The following SLC9A9 variants were observed in gnomAD, a reference collection of about 807,000 sequenced individuals.
SLC9A9 encodes solute carrier family 9 member A9.
In SLC9A9, 62 loss-of-function variants were observed where a neutral mutation model predicts 77.8. That is an observed-to-expected ratio of 0.80 (90% CI 0.65 to 0.98). The LOEUF (loss-of-function observed/expected upper bound fraction) is 0.98, where lower values mean the gene tolerates loss of function less well. Among genes scored for constraint, SLC9A9 ranks in the 50% least tolerant of loss-of-function variants. The pLI, the probability that SLC9A9 is intolerant of heterozygous loss-of-function variation, is 0.00. For synonymous variants in SLC9A9, 320 were observed against 283.5 expected (o/e 1.13, Z -1.29); for missense variants, 775 against 774.9 (o/e 1.00, Z 0.00).
intron 14 of SLC9A9, among the ~76,000 whole-genome samples, chr3:143,315,320 A>G (rs2031170438): frequency 6.6e-6 from 1 of 152,222 alleles, no homozygotes; most frequent in African/African-American, 2.4e-5. Context: ...ATCTTTGCAG[A>G]GATAGAGTTG....
At chr3:143,676,798 C>A (rs1932904362) in intron 5 of SLC9A9, among the ~76,000 whole-genome samples, 3 of 152,020 alleles carry the variant, frequency 2.0e-5, no homozygotes, top group Non-Finnish European at 4.4e-5. Context: ...TGTCTGAAAA[C>A]CAGTTACATG....
intron 5 of SLC9A9, among the ~76,000 whole-genome samples, chr3:143,675,710 C>A (rs114377867): frequency 0.01 from 1,542 of 152,272 alleles, 30 homozygotes; most frequent in African/African-American, 0.035. Flanking sequence ...TTACTAATAT[C>A]ATATAAAAAT....
At chr3:143,648,376 T>G (rs2038738392) in intron 6 of SLC9A9, among the ~76,000 whole-genome samples, 1 of 151,944 alleles carries the variant, frequency 6.6e-6, no homozygotes. Context: ...TCATAGGGAG[T>G]GCGCAACCTA....
intron 9 of SLC9A9, among the ~76,000 whole-genome samples, chr3:143,513,620 C>G (rs1330262234): frequency 2.0e-5 from 3 of 152,200 alleles, no homozygotes; most frequent in African/African-American, 4.8e-5. Flanking sequence ...TTTAGATATA[C>G]TTGCCCAGAT....
intron 6 of SLC9A9, among the ~76,000 whole-genome samples, chr3:143,604,655 A>G (rs577780808): frequency 1.3e-5 from 2 of 152,316 alleles, no homozygotes; most frequent in African/African-American, 4.8e-5. Flanking sequence ...AACACAATTA[A>G]TATGCCTCCG....
intron 4 of SLC9A9, among the ~76,000 whole-genome samples, chr3:143,696,117 T>C (rs1933633537): frequency 6.6e-6 from 1 of 152,216 alleles, no homozygotes; most frequent in Non-Finnish European, 1.5e-5. Flanking sequence ...CTGATGATGG[T>C]TTCTTTTGCT....
intron 9 of SLC9A9, among the ~76,000 whole-genome samples, chr3:143,547,345 A>G (rs2036807068): frequency 6.6e-6 from 1 of 152,216 alleles, no homozygotes; most frequent in Admixed American, 6.5e-5. Flanking sequence ...GAGCTCCAGA[A>G]TTCTATGTCC....
chr3:143,541,347 A>C (rs2036686931), intron 9 of SLC9A9, among the ~76,000 whole-genome samples: 1 of 152,184 alleles, frequency 6.6e-6, no homozygotes, highest in Non-Finnish European at 1.5e-5. Context: ...CACGTAAATG[A>C]GGCTCTTGGA....
chr3:143,504,138 G>A (rs1300040518), intron 9 of SLC9A9: 7 of 446,780 alleles, frequency 1.6e-5, no homozygotes, highest in African/African-American at 1.2e-4. Context: ...ACTGAAACAT[G>A]TAGGCCATGC....
At chr3:143,546,418 C>A (rs893974735) in intron 9 of SLC9A9, among the ~76,000 whole-genome samples, 4 of 152,184 alleles carry the variant, frequency 2.6e-5, no homozygotes, top group African/African-American at 9.7e-5. Context: ...ATGAAAACAT[C>A]TATGTCCATC....
chr3:143,621,899 G>A (rs1268152558), intron 6 of SLC9A9, among the ~76,000 whole-genome samples: 2 of 152,072 alleles, frequency 1.3e-5, no homozygotes, highest in African/African-American at 2.4e-5. Context: ...ACTAGAATAA[G>A]CAATGCAGAG....
chr3:143,438,782 G>A (rs962433987), intron 12 of SLC9A9, among the ~76,000 whole-genome samples: 4 of 152,104 alleles, frequency 2.6e-5, no homozygotes, highest in Non-Finnish European at 4.4e-5. Context: ...GAGTGGACCC[G>A]AGTTACCAGT....
At chr3:143,718,222 C>T (rs1934404025) in intron 4 of SLC9A9, among the ~76,000 whole-genome samples, 1 of 152,082 alleles carries the variant, frequency 6.6e-6, no homozygotes, top group Non-Finnish European at 1.5e-5. Context: ...CTGAAATAAC[C>T]CCTTTTTCCT....
chr3:143,601,495 T>C (rs2037844411), intron 6 of SLC9A9, among the ~76,000 whole-genome samples: 1 of 152,234 alleles, frequency 6.6e-6, no homozygotes, highest in South Asian at 2.1e-4. Context: ...ATTTCAACAG[T>C]CAATGGGGGA....
intron 6 of SLC9A9, among the ~76,000 whole-genome samples, chr3:143,628,727 T>C (rs1183908046): frequency 6.6e-6 from 1 of 152,178 alleles, no homozygotes; most frequent in Non-Finnish European, 1.5e-5. Context: ...GCAAAATAAT[T>C]TTATGGCCTA....
intron 4 of SLC9A9, among the ~76,000 whole-genome samples, chr3:143,773,775 C>A (rs1268137145): frequency 6.6e-6 from 1 of 152,194 alleles, no homozygotes; most frequent in African/African-American, 2.4e-5. Flanking sequence ...TAAGCCACCA[C>A]ACCTGGCCCT....
chr3:143,468,160 T>G (rs909258773), intron 11 of SLC9A9, among the ~76,000 whole-genome samples: 1 of 152,190 alleles, frequency 6.6e-6, no homozygotes, highest in Non-Finnish European at 1.5e-5. Context: ...TGAACGTAAG[T>G]TTTCATTTCC....
chr3:143,635,524 T>A (rs1003062674), intron 6 of SLC9A9, among the ~76,000 whole-genome samples: 3 of 152,330 alleles, frequency 2.0e-5, no homozygotes, highest in Non-Finnish European at 4.4e-5. Flanking sequence ...CAAATTGAGG[T>A]GGCACAGAGA....
chr3:143,749,801 A>G (rs1184508093), intron 4 of SLC9A9, among the ~76,000 whole-genome samples: 1 of 152,300 alleles, frequency 6.6e-6, no homozygotes, highest in Non-Finnish European at 1.5e-5. Flanking sequence ...GTATATTCCT[A>G]TATGGAAATC....
Sources: gnomAD v4.1 joint callset for allele counts (sites outside exome capture counted in the v4.1 genomes callset) on GRCh38, gnomAD v4.1.1 for gene constraint, MANE v1.5 for transcripts, NCBI Gene and HGNC (gene_info 2026-07-23, HGNC 2026-07-21) for gene names.